Variants in AMBRA1 observed in about 807,000 individuals in gnomAD.
AMBRA1 encodes the protein autophagy and beclin 1 regulator 1, also known as activating molecule in BECN1-regulated autophagy protein 1.
In AMBRA1, 47 loss-of-function variants were observed where a neutral mutation model predicts 125.4. The observed-to-expected ratio is 0.37, with a 90% CI of 0.30 to 0.48. AMBRA1 has a LOEUF of 0.48. Ranked by LOEUF, AMBRA1 falls within the 20% of genes least tolerant of loss-of-function variation. The probability of loss-of-function intolerance (pLI) is 0.99; values close to 1 mark genes in which losing one functional copy is unlikely to be tolerated. For synonymous variants in AMBRA1, 626 were observed against 655.5 expected (o/e 0.95, Z 0.69); for missense variants, 1,331 against 1,693.4 (o/e 0.79, Z 3.76).
At chr11:46,586,858 T>C (rs951140406) in intron 1 of AMBRA1, among the ~76,000 whole-genome samples, 6 of 152,114 alleles carry the variant, frequency 3.9e-5, no homozygotes, top group African/African-American at 1.4e-4. Context: ...ATGCTGCTAT[T>C]CAAAAGTCTG....
chr11:46,512,618 A>G, intron 8 of AMBRA1, 109 bp downstream of exon 8: 1 of 789,286 alleles, frequency 1.3e-6, no homozygotes, highest in South Asian at 2.0e-5. Context: ...TAACTGAAGA[A>G]TAAAAGAGCA....
At chr11:46,591,482 T>C (rs1345336564) in intron 1 of AMBRA1, 1 of 152,104 alleles carries the variant, frequency 6.6e-6, no homozygotes, top group Non-Finnish European at 1.5e-5. Context: ...AAAACTCACA[T>C]GAGAATACTA....
intron 14 of AMBRA1, among the ~76,000 whole-genome samples, chr11:46,422,398 T>C (rs1345192078): frequency 6.6e-6 from 1 of 152,176 alleles, no homozygotes; most frequent in African/African-American, 2.4e-5. Context: ...TGCCAAGATC[T>C]TTGTGGTTCT....
chr11:46,481,901 T>C (rs558339924), intron 11 of AMBRA1, among the ~76,000 whole-genome samples: 54 of 152,374 alleles, frequency 3.5e-4, no homozygotes, highest in African/African-American at 1.3e-3. Flanking sequence ...TGGTGATTAA[T>C]ATGTGAGAAG....
At chr11:46,471,446 C>T (rs750299463) in intron 11 of AMBRA1, among the ~76,000 whole-genome samples, 36 of 151,456 alleles carry the variant, frequency 2.4e-4, no homozygotes, top group Non-Finnish European at 4.7e-4. Flanking sequence ...GGCATGGTGG[C>T]GGGCGCCTGC....
rs747964138 is a variant in AMBRA1 at position 46,542,383 on chromosome 11, G to C, written c.1634C>G (p.Pro545Arg). ...NNNIESERPG[P>R]SHQPTPHSSE... is the part of the protein sequence containing the mutation. ...GCTGTGTGGGGTGGGCTGGTGGGAA[G>C]GGCCTGGCCTCTCAGATTCAATGTT... is the stretch of plus-strand genomic sequence containing the variant. The change falls in exon 7 of 18, where the codon CCT becomes CGT. Residue 545 changes from proline (P) to arginine (R), a missense_variant. Pro to Arg is a moderately radical substitution (Grantham distance 103, BLOSUM62 -2). This residue lies in a region of AMBRA1 where 689 missense variants were observed against 776.5 expected (regional missense o/e 0.89). Transcript: ENST00000683756. This position sits in a 1 kb window ranked among gnomAD's most constrained non-coding sequence, Gnocchi z 5.9. 4 of 1,614,128 alleles carry C rather than the reference G, an allele frequency of 2.5e-6. No individual in the cohort carries two copies. Among genetic ancestry groups the C allele is most frequent in the Non-Finnish European group, 3.4e-6 (4 of 1,180,032 alleles).
intron 7 of AMBRA1, among the ~76,000 whole-genome samples, chr11:46,530,851 G>GT (rs1296502551): frequency 6.6e-6 from 1 of 152,150 alleles, no homozygotes; most frequent in Non-Finnish European, 1.5e-5. Context: ...TCCATAAATA[G>GT]TTTTTTTGGA....
At chr11:46,538,481 G>A (rs935235197) in intron 7 of AMBRA1, among the ~76,000 whole-genome samples, 3 of 152,062 alleles carry the variant, frequency 2.0e-5, no homozygotes, top group Admixed American at 2.0e-4. Flanking sequence ...AAAAATTATG[G>A]TACATCCTTA....
chr11:46,464,921 T>C (rs1366572704), intron 11 of AMBRA1, among the ~76,000 whole-genome samples: 3 of 152,126 alleles, frequency 2.0e-5, no homozygotes, highest in Non-Finnish European at 4.4e-5. Context: ...GGTGGGTGCC[T>C]GTAATCCCAG....
chr11:46,539,654 A>T (rs1432318267), intron 7 of AMBRA1, among the ~76,000 whole-genome samples: 1 of 152,156 alleles, frequency 6.6e-6, no homozygotes, highest in African/African-American at 2.4e-5. Flanking sequence ...TCACTCAGAG[A>T]CCTATTATAT....
chr11:46,507,131 T>C (rs1324125881), intron 9 of AMBRA1, among the ~76,000 whole-genome samples: 2 of 99,454 alleles, frequency 2.0e-5, no homozygotes, highest in Admixed American at 2.2e-4. Flanking sequence ...GAGCCGAGAT[T>C]GTGCCACTGC....
chr11:46,428,891 G>A, intron 14 of AMBRA1: 3 of 1,611,770 alleles, frequency 1.9e-6, no homozygotes, highest in Non-Finnish European at 2.5e-6. Flanking sequence ...CACAATCTCT[G>A]GGGGCAGATG....
rs190812587 is a variant in AMBRA1, at chr11:46,531,651, A to G, written c.2072+10294T>C. On this transcript the variant is annotated intron_variant, in intron 7 of 17. Transcript: ENST00000683756. Reference sequence around the variant, plus strand: ...CTTGAATTCGGGAGTTGGAGGTTGGAGTGAGCAGAGATCTGCCACTGCACT... The same window carrying G: ...CTTGAATTCGGGAGTTGGAGGTTGGGGTGAGCAGAGATCTGCCACTGCACT... Among the ~76,000 whole-genome samples the G allele has an allele frequency of 5.3e-5, 8 of 151,930 alleles. No individual in the cohort carries two copies. In the East Asian group the frequency reaches 1.6e-3, roughly 30 times the overall value.
intron 11 of AMBRA1, among the ~76,000 whole-genome samples, chr11:46,466,578 G>A (rs1441359716): frequency 1.3e-5 from 2 of 152,144 alleles, no homozygotes; most frequent in African/African-American, 4.8e-5. Context: ...TCAGTGGGAA[G>A]CAAAGGCTTA....
intron 11 of AMBRA1, among the ~76,000 whole-genome samples, chr11:46,444,160 G>A (rs1948161355): frequency 6.6e-6 from 1 of 152,040 alleles, no homozygotes; most frequent in African/African-American, 2.4e-5. Flanking sequence ...AACAAATAAG[G>A]TAATATTCAT....
intron 15 of AMBRA1, among the ~76,000 whole-genome samples, chr11:46,417,369 C>A (rs183026873): frequency 1.3e-5 from 2 of 152,280 alleles, no homozygotes; most frequent in African/African-American, 4.8e-5. Context: ...GCTTTTCAAT[C>A]TGCTTTCACT....
chr11:46,477,102 A>C (rs925191899), intron 11 of AMBRA1, among the ~76,000 whole-genome samples: 2 of 144,990 alleles, frequency 1.4e-5, no homozygotes, highest in African/African-American at 2.5e-5. Flanking sequence ...GACTGTCTCA[A>C]AAAAAAAAAA....
intron 7 of AMBRA1, among the ~76,000 whole-genome samples, chr11:46,521,142 C>T (rs1989438400): frequency 6.6e-6 from 1 of 152,212 alleles, no homozygotes; most frequent in Admixed American, 6.5e-5. Flanking sequence ...TCACTGGCGA[C>T]AAGACTCTCA....
chr11:46,460,483 G>A lies in AMBRA1; in HGVS notation c.2522-16885C>T, dbSNP rs556916276. On this transcript the variant is annotated intron_variant, in intron 11 of 17. Coordinates refer to ENST00000683756, the MANE Select transcript of AMBRA1 (RefSeq NM_001387011.1). ...ACTACAGGTGCCCGCCACCATGCCC[G>A]GCTAATTTTTTTTGTATTTTTAGTA... 2.3e-3 allele frequency among the ~76,000 whole-genome samples: 345 copies of A among 152,028 alleles called. 1 individual carries two copies. Among genetic ancestry groups the A allele is most frequent in the Non-Finnish European group, 3.4e-3 (228 of 67,960 alleles).
Sources: gnomAD v4.1 joint callset for allele counts (sites outside exome capture counted in the v4.1 genomes callset) on GRCh38, gnomAD v4.1.1 for gene constraint, gnomAD v4.1.1 regional missense constraint, Gnocchi (gnomAD v3.1) non-coding constraint, MANE v1.5 for transcripts, NCBI Gene and HGNC (gene_info 2026-07-23, HGNC 2026-07-21) for gene names.